The following SNX29 variants were observed in gnomAD, a reference collection of about 807,000 sequenced individuals.
SNX29 encodes the protein sorting nexin 29, also known as sorting nexin-29.
Under a neutral mutation model 102.1 loss-of-function variants are expected in SNX29, and 78 were observed. The ratio of observed to expected loss-of-function variants is 0.76; its 90% CI spans 0.64 to 0.92. SNX29 has a LOEUF of 0.92. Among genes scored for constraint, SNX29 ranks in the 40% least tolerant of loss-of-function variants. The pLI is 0.00. For synonymous variants in SNX29, 580 were observed against 414.5 expected (o/e 1.40, Z -4.85); for missense variants, 1,280 against 1,061.7 (o/e 1.21, Z -2.86).
In SNX29 at chr16:12,534,132, C is replaced by G. The variant is rs553275634; in HGVS notation, c.2318+9291C>G. ...TGACAAGGTGCTAACCAGGACAGCT[C>G]CAACACCAGGCCTCAGGGCAGCGCG... On this transcript the variant is annotated intron_variant, in intron 20 of 20. Transcript: ENST00000566228. 2.0e-5 allele frequency among the ~76,000 whole-genome samples: 3 copies of G among 152,334 alleles called. No individual in the cohort carries two copies. In the South Asian group the frequency reaches 6.2e-4, roughly 32 times the overall value.
At chr16:12,430,205 C>A (rs531521292) in intron 18 of SNX29, among the ~76,000 whole-genome samples, 4 of 152,242 alleles carry the variant, frequency 2.6e-5, no homozygotes, top group African/African-American at 9.6e-5. Context: ...AGTTCCCCCC[C>A]CAGCCCCAGT....
chr16:12,103,176 C>T (rs754857483), intron 11 of SNX29, among the ~76,000 whole-genome samples: 1 of 152,200 alleles, frequency 6.6e-6, no homozygotes, highest in Non-Finnish European at 1.5e-5. Context: ...CTACCATGCA[C>T]TTTCTTCACA....
intron 14 of SNX29, among the ~76,000 whole-genome samples, chr16:12,233,293 T>G (rs76024219): frequency 0.026 from 3,932 of 152,300 alleles, 113 homozygotes; most frequent in African/African-American, 0.072. Flanking sequence ...TGCAGCAGTA[T>G]GAATGCAGCT....
chr16:12,258,740 A>T (rs1036772526), intron 14 of SNX29, among the ~76,000 whole-genome samples: 1 of 152,192 alleles, frequency 6.6e-6, no homozygotes, highest in Admixed American at 6.5e-5. Flanking sequence ...TTAGTAGCTC[A>T]GAGGAAACGT....
intron 11 of SNX29, among the ~76,000 whole-genome samples, chr16:12,102,810 C>T (rs1037279344): frequency 1.3e-5 from 2 of 152,146 alleles, no homozygotes; most frequent in African/African-American, 2.4e-5. Flanking sequence ...ATTTAGAAAA[C>T]CCCATTGTCT....
chr16:12,562,828 A>C lies in SNX29; in HGVS notation c.2319-5678A>C, dbSNP rs530432595. ...CAACTCCTTTCCCCCCAAATTTCCTAGCATTCCCCTATAGGCAACCCGACA... is the reference window on the plus strand; with the variant it reads ...CAACTCCTTTCCCCCCAAATTTCCTCGCATTCCCCTATAGGCAACCCGACA... On this transcript the variant is annotated intron_variant, in intron 20 of 20. Transcript: ENST00000566228. Among the ~76,000 whole-genome samples the C allele has an allele frequency of 6.6e-5, 10 of 152,196 alleles. No homozygotes were observed. The South Asian group carries it at 2.1e-3, about 32-fold the overall frequency.
chr16:12,260,653 C>G (rs184107097), intron 14 of SNX29, among the ~76,000 whole-genome samples: 17 of 68,404 alleles, frequency 2.5e-4, no homozygotes, highest in Admixed American at 6.2e-4. Context: ...TAGCCAGGTC[C>G]CCGGCTGGAG....
At chr16:12,126,242 A>C (rs2054208920) in intron 11 of SNX29, among the ~76,000 whole-genome samples, 1 of 152,268 alleles carries the variant, frequency 6.6e-6, no homozygotes, top group Non-Finnish European at 1.5e-5. Flanking sequence ...ACTGATCAGT[A>C]GTACTTGCTA....
intron 12 of SNX29, among the ~76,000 whole-genome samples, chr16:12,128,699 C>G (rs759894957): frequency 6.6e-6 from 1 of 152,074 alleles, no homozygotes; most frequent in African/African-American, 2.4e-5. Context: ...GTGATCCACC[C>G]GCCTTGGCCT....
intron 19 of SNX29, among the ~76,000 whole-genome samples, chr16:12,518,956 T>A (rs9938756): frequency 4.9e-4 from 75 of 152,256 alleles, no homozygotes; most frequent in African/African-American, 1.7e-3. Context: ...GGGCCTCGGC[T>A]GGTCATACTG....
intron 20 of SNX29, among the ~76,000 whole-genome samples, chr16:12,552,540 T>G (rs1030397349): frequency 5.9e-5 from 9 of 152,142 alleles, no homozygotes; most frequent in African/African-American, 2.2e-4. Context: ...CTCAGTGATG[T>G]CCCCAGCACT....
In SNX29 at chr16:12,459,576, C is replaced by T. The variant is rs116922613; in HGVS notation, c.2038-18143C>T. 1.0e-2 allele frequency among the ~76,000 whole-genome samples: 1,522 copies of T among 152,248 alleles called. 7 individuals carry two copies. The highest frequency in any genetic ancestry group is 0.015 in the Non-Finnish European group (1,047 of 68,022). ...TCCTCCTGGACCATGCGGGATTATGCCTCAGAGCCTGGGTCAGTCTGCATG... is the reference window on the plus strand; with the variant it reads ...TCCTCCTGGACCATGCGGGATTATGTCTCAGAGCCTGGGTCAGTCTGCATG... On this transcript the variant is annotated intron_variant, in intron 18 of 20. Transcript: ENST00000566228.
intron 20 of SNX29, among the ~76,000 whole-genome samples, chr16:12,564,513 A>C (rs1251423957): frequency 6.6e-6 from 1 of 152,212 alleles, no homozygotes; most frequent in African/African-American, 2.4e-5. Flanking sequence ...AAGGAACTCA[A>C]GTTTTCTGAC....
chr16:12,544,387 T>C (rs1462457763), intron 20 of SNX29, among the ~76,000 whole-genome samples: 2 of 152,172 alleles, frequency 1.3e-5, no homozygotes, highest in Non-Finnish European at 2.9e-5. Flanking sequence ...GAAGGCGTTG[T>C]GAGGTGGTTC....
intron 15 of SNX29, among the ~76,000 whole-genome samples, chr16:12,292,809 C>G (rs2079844116): frequency 6.6e-6 from 1 of 152,340 alleles, no homozygotes; most frequent in African/African-American, 2.4e-5. Context: ...CCTCCCTGTT[C>G]TCTTCCTCTG....
chr16:12,512,961 A>G (rs1291762977), intron 19 of SNX29, among the ~76,000 whole-genome samples: 1 of 151,984 alleles, frequency 6.6e-6, no homozygotes, highest in Non-Finnish European at 1.5e-5. Context: ...GCTGGGGTGA[A>G]AGAGTCGATG....
chr16:12,360,396 C>G (rs2151325642), intron 16 of SNX29, among the ~76,000 whole-genome samples: 1 of 152,238 alleles, frequency 6.6e-6, no homozygotes, highest in African/African-American at 2.4e-5. Context: ...TAGGATTTTG[C>G]TAATTGCAAT....
At chr16:12,159,921 A>C (rs746262567) in intron 13 of SNX29, among the ~76,000 whole-genome samples, 2 of 152,200 alleles carry the variant, frequency 1.3e-5, no homozygotes, top group Admixed American at 6.5e-5. Flanking sequence ...CTTAGAATCC[A>C]GTGCATCTAG....
intron 14 of SNX29, among the ~76,000 whole-genome samples, chr16:12,264,611 G>C (rs2078872845): frequency 6.6e-6 from 1 of 152,130 alleles, no homozygotes; most frequent in South Asian, 2.1e-4. Flanking sequence ...GTGAAACCCT[G>C]TCTCTACTGA....
Sources: gnomAD v4.1 joint callset for allele counts (sites outside exome capture counted in the v4.1 genomes callset) on GRCh38, gnomAD v4.1.1 for gene constraint, MANE v1.5 for transcripts, NCBI Gene and HGNC (gene_info 2026-07-23, HGNC 2026-07-21) for gene names.